The following PDZRN4 variants were observed in gnomAD, a reference collection of about 807,000 sequenced individuals.
PDZRN4 encodes PDZ domain containing ring finger 4, also known as PDZ domain-containing RING finger protein 4.
In PDZRN4, 70 loss-of-function variants were observed where a neutral mutation model predicts 99.0. That is an observed-to-expected ratio of 0.71 (90% CI 0.58 to 0.86). The LOEUF (loss-of-function observed/expected upper bound fraction) is 0.86, where lower values mean the gene tolerates loss of function less well. PDZRN4 is among the 40% of genes least tolerant of loss of function. The pLI is 0.00. For synonymous variants in PDZRN4, 551 were observed against 501.6 expected (o/e 1.10, Z -1.32); for missense variants, 1,474 against 1,331.2 (o/e 1.11, Z -1.67).
intron 3 of PDZRN4, among the ~76,000 whole-genome samples, chr12:41,203,837 A>G (rs1950832124): frequency 6.6e-6 from 1 of 152,006 alleles, no homozygotes; most frequent in Non-Finnish European, 1.5e-5. Context: ...ATGTTTGTCT[A>G]AGGAGTTTGC....
rs148446048 is a variant in PDZRN4 at position 41,427,392 on chromosome 12, G to A, written c.844-79064G>A. The stretch of plus-strand genomic sequence containing the variant: ...CAGGCACTGGGTAAAGTTCATGTTC[G>A]TAAGACCCCTTTGTGGTAGGTACTA... On this transcript the variant is annotated intron_variant, in intron 3 of 9. Transcript: ENST00000402685. Among the ~76,000 whole-genome samples the A allele has an allele frequency of 2.3e-3, 355 of 152,182 alleles. 2 individuals are homozygous for A. Among genetic ancestry groups the A allele is most frequent in the African/African-American group, 8.0e-3 (334 of 41,516 alleles).
chr12:41,300,346 A>G (rs771701967), intron 3 of PDZRN4, among the ~76,000 whole-genome samples: 1 of 151,968 alleles, frequency 6.6e-6, no homozygotes, highest in Non-Finnish European at 1.5e-5. Flanking sequence ...ATTTAGTACT[A>G]CAATTAACAC....
intron 3 of PDZRN4, among the ~76,000 whole-genome samples, chr12:41,319,286 G>A (rs1951658797): frequency 6.6e-6 from 1 of 152,112 alleles, no homozygotes; most frequent in Admixed American, 6.6e-5. Flanking sequence ...ACTGACCTAA[G>A]CCTCCAGTAG....
chr12:41,278,142 C>T (rs1462762353), intron 3 of PDZRN4, among the ~76,000 whole-genome samples: 1 of 152,120 alleles, frequency 6.6e-6, no homozygotes, highest in Admixed American at 6.6e-5. Flanking sequence ...ATTCAAATCC[C>T]TTTTACCTTT....
intron 3 of PDZRN4, among the ~76,000 whole-genome samples, chr12:41,479,050 GT>G (rs1039351831): frequency 1.3e-5 from 2 of 151,996 alleles, no homozygotes; most frequent in Non-Finnish European, 2.9e-5. Context: ...AAAAAAGTAA[GT>G]TTTTTTTCTT....
chr12:41,504,366 A>G (rs1938168091), intron 3 of PDZRN4, among the ~76,000 whole-genome samples: 1 of 152,114 alleles, frequency 6.6e-6, no homozygotes, highest in Non-Finnish European at 1.5e-5. Context: ...TCCTGCAGGA[A>G]CAGATCTTCA....
intron 3 of PDZRN4, among the ~76,000 whole-genome samples, chr12:41,329,928 T>C (rs1951732081): frequency 6.6e-6 from 1 of 152,140 alleles, no homozygotes; most frequent in Non-Finnish European, 1.5e-5. Context: ...TAATCTTTTA[T>C]ACCTGATTCT....
chr12:41,519,722 G>A (rs1938461567), intron 5 of PDZRN4, among the ~76,000 whole-genome samples: 1 of 152,026 alleles, frequency 6.6e-6, no homozygotes, highest in Non-Finnish European at 1.5e-5. Context: ...TTTCATGCCA[G>A]TTTTGTGCTT....
intron 3 of PDZRN4, among the ~76,000 whole-genome samples, chr12:41,283,550 CACA>C (rs1259103180): frequency 6.6e-6 from 1 of 152,078 alleles, no homozygotes; most frequent in East Asian, 1.9e-4. Context: ...CTGGCAGAGA[CACA>C]ACAACAACAA....
intron 3 of PDZRN4, among the ~76,000 whole-genome samples, chr12:41,445,167 A>G (rs1449445101): frequency 6.6e-6 from 1 of 152,088 alleles, no homozygotes; most frequent in Non-Finnish European, 1.5e-5. Context: ...CAAATTATAC[A>G]CAAGGGAGGC....
At chr12:41,415,235 C>T (rs1290988585) in intron 3 of PDZRN4, among the ~76,000 whole-genome samples, 23 of 151,320 alleles carry the variant, frequency 1.5e-4, no homozygotes, top group Non-Finnish European at 4.4e-5. Context: ...TAATTGCAGC[C>T]TAGTTGGATA....
At chr12:41,470,653 C>A (rs1252348568) in intron 3 of PDZRN4, among the ~76,000 whole-genome samples, 1 of 152,166 alleles carries the variant, frequency 6.6e-6, no homozygotes, top group Non-Finnish European at 1.5e-5. Flanking sequence ...TCTTCCCCCT[C>A]CCGCCACCCC....
Position 41,321,601 on chromosome 12 carries a change from A to G in PDZRN4, c.843+127413A>G, listed in dbSNP as rs903356463. Among the ~76,000 whole-genome samples the G allele has an allele frequency of 2.6e-5, 4 of 152,094 alleles. No individual in the cohort carries two copies. The East Asian group carries it at 7.7e-4, about 29-fold the overall frequency. On this transcript the variant is annotated intron_variant, in intron 3 of 9. Coordinates refer to ENST00000402685, the MANE Select transcript of PDZRN4 (RefSeq NM_001164595.2). Reference sequence around the variant, plus strand: ...TCACTGTTCTTTTTGTTCATAATCTATTTATTCAGCTCACTTGTAGCATCT... The same window carrying G: ...TCACTGTTCTTTTTGTTCATAATCTGTTTATTCAGCTCACTTGTAGCATCT...
intron 3 of PDZRN4, among the ~76,000 whole-genome samples, chr12:41,333,685 T>G (rs1419639278): frequency 6.6e-6 from 1 of 152,156 alleles, no homozygotes; most frequent in African/African-American, 2.4e-5. Flanking sequence ...TATCTTGTTA[T>G]GCCTAAAGCA....
chr12:41,314,915 T>A (rs539929187), intron 3 of PDZRN4, among the ~76,000 whole-genome samples: 1 of 152,280 alleles, frequency 6.6e-6, no homozygotes, highest in South Asian at 2.1e-4. Flanking sequence ...ATTTCAGAAT[T>A]CAAATATCCA....
intron 3 of PDZRN4, among the ~76,000 whole-genome samples, chr12:41,317,300 A>G (rs1951645692): frequency 6.6e-6 from 1 of 151,760 alleles, no homozygotes; most frequent in African/African-American, 2.4e-5. Context: ...AGATGCAAGG[A>G]AGAGTTGATG....
chr12:41,413,543 G>A (rs1198983053), intron 3 of PDZRN4, among the ~76,000 whole-genome samples: 1 of 152,116 alleles, frequency 6.6e-6, no homozygotes, highest in Non-Finnish European at 1.5e-5. Flanking sequence ...ACAAAGAAAT[G>A]ATCAATGTTT....
rs923635887 is a variant in PDZRN4, at chr12:41,415,545, C to A, written c.844-90911C>A. On this transcript the variant is annotated intron_variant, in intron 3 of 9. Coordinates refer to ENST00000402685, the MANE Select transcript of PDZRN4 (RefSeq NM_001164595.2). Reference sequence around the variant, plus strand: ...GGAAAATATTGACCCTGTCAAATTTCTAAAAGCTAACAATCTTTGTTGTAA... The same window carrying A: ...GGAAAATATTGACCCTGTCAAATTTATAAAAGCTAACAATCTTTGTTGTAA... Among the ~76,000 whole-genome samples the A allele has an allele frequency of 2.6e-5, 4 of 151,974 alleles. No individual in the cohort carries two copies. In the East Asian group the frequency reaches 7.7e-4, roughly 29 times the overall value.
chr12:41,310,552 C>T (rs541114617), intron 3 of PDZRN4, among the ~76,000 whole-genome samples: 1 of 152,198 alleles, frequency 6.6e-6, no homozygotes, highest in East Asian at 1.9e-4. Context: ...GACCTAAGTA[C>T]ATTATAACTA....
Sources: allele counts gnomAD v4.1 joint callset (sites outside exome capture counted in the v4.1 genomes callset), GRCh38; gene constraint gnomAD v4.1.1; transcripts MANE v1.5; gene names NCBI Gene and HGNC (gene_info 2026-07-23, HGNC 2026-07-21).